Variants in CPNE8 observed in about 807,000 individuals in gnomAD.
CPNE8 encodes the protein copine 8, also known as copine-8.
Under a neutral mutation model 81.5 loss-of-function variants are expected in CPNE8, and 45 were observed. That is an observed-to-expected ratio of 0.55 (90% CI 0.44 to 0.71). The LOEUF (loss-of-function observed/expected upper bound fraction) is 0.71, where lower values mean the gene tolerates loss of function less well. Among genes scored for constraint, CPNE8 ranks in the 30% least tolerant of loss-of-function variants. The pLI is 0.00. For missense variants in CPNE8, 594 were observed against 672.1 expected (o/e 0.88, Z 1.28); for synonymous variants, 252 against 226.3 (o/e 1.11, Z -1.02).
At chr12:38,839,070 C>T (rs2137039694) in intron 5 of CPNE8, among the ~76,000 whole-genome samples, 1 of 152,300 alleles carries the variant, frequency 6.6e-6, no homozygotes, top group South Asian at 2.1e-4. Context: ...AACTCTGACA[C>T]AACTGCTAAT....
Position 38,853,151 on chromosome 12 carries a change from G to C in CPNE8, c.187-4489C>G, listed in dbSNP as rs1322940171. Among the ~76,000 whole-genome samples the C allele has an allele frequency of 2.0e-5, 3 of 152,086 alleles. No homozygotes were observed. In the South Asian group the frequency reaches 6.2e-4, roughly 31 times the overall value. On this transcript the variant is annotated intron_variant, in intron 3 of 19. Transcript: ENST00000331366. ...CTGGAATGTATTAGCTATCAACCAA[G>C]TGATTAATCTTTTTGACTTGAAGTA... is the stretch of plus-strand genomic sequence containing the variant.
chr12:38,730,046 C>A (rs1189770359), intron 11 of CPNE8, among the ~76,000 whole-genome samples: 2 of 151,824 alleles, frequency 1.3e-5, no homozygotes, highest in Non-Finnish European at 2.9e-5. Context: ...AAACTTATAT[C>A]CATATTTTTA....
chr12:38,764,616 CAA>C (rs1247038606), intron 8 of CPNE8, among the ~76,000 whole-genome samples: 760 of 44,966 alleles, frequency 0.017, 1 homozygote, highest in African/African-American at 0.066. Context: ...GACTCCGTCT[CAA>C]AAAAAAAAAA....
Position 38,717,690 on chromosome 12 carries a change from A to T in CPNE8, c.914+6082T>A, listed in dbSNP as rs1940440333. ...AGTTTGGGAGGGTGGTGAGGGATTA[A>T]ATACTACATATTGGATACAGTGTAT... On this transcript the variant is annotated intron_variant, in intron 13 of 19. Transcript: ENST00000331366. Among the ~76,000 whole-genome samples the T allele has an allele frequency of 2.0e-5, 3 of 151,654 alleles. No individual in the cohort carries two copies. In the South Asian group the frequency reaches 6.3e-4, roughly 32 times the overall value.
In CPNE8 at chr12:38,869,384, C is replaced by T. The variant is rs541817847; in HGVS notation, c.186+3620G>A. On this transcript the variant is annotated intron_variant, in intron 3 of 19. Transcript: ENST00000331366. ...TTACAAGTGATTCATATTTAATCCT[C>T]ATAACAGCTATATTAGCTAGAATCA... Among the ~76,000 whole-genome samples, 17 of 152,250 alleles carry T rather than the reference C, an allele frequency of 1.1e-4. No homozygotes were observed. The East Asian group carries it at 2.7e-3, about 24-fold the overall frequency.
At chr12:38,889,909 C>G (rs1009943537) in intron 1 of CPNE8, among the ~76,000 whole-genome samples, 1 of 152,134 alleles carries the variant, frequency 6.6e-6, no homozygotes, top group African/African-American at 2.4e-5. Context: ...GACTTAGTCC[C>G]TTGTAGGAAA....
At chr12:38,694,833 A>G (rs899754744) in intron 14 of CPNE8, among the ~76,000 whole-genome samples, 1 of 152,178 alleles carries the variant, frequency 6.6e-6, no homozygotes, top group African/African-American at 2.4e-5. Flanking sequence ...TGAAGAAGAA[A>G]AGCCTCAGGA....
intron 6 of CPNE8, among the ~76,000 whole-genome samples, chr12:38,789,536 T>C (rs1041888995): frequency 1.3e-5 from 2 of 151,682 alleles, no homozygotes; most frequent in African/African-American, 2.4e-5. Context: ...AGGACATTGG[T>C]CTGAGCAAAA....
chr12:38,874,474 G>T lies in CPNE8; in HGVS notation c.136C>A (p.Pro46Thr). The change falls in exon 2 of 20, where the codon CCA becomes ACA. Residue 46 changes from proline to threonine, a missense_variant. Transcript: ENST00000331366. ...AAGGCAAGCAATACATACTTACTTG[G>T]ATCAGATTTAGAAAATGTGTCTCTG... ...LDRDTFSKSD[P>T]ICVLYVQGVG... is the part of the protein sequence containing the mutation. 1 of 1,605,530 alleles carries T rather than the reference G, an allele frequency of 6.2e-7. No homozygotes were observed. Among genetic ancestry groups the T allele is most frequent in the South Asian group, 1.1e-5 (1 of 90,288 alleles).
chr12:38,689,697 A>C (rs898627792), intron 15 of CPNE8, among the ~76,000 whole-genome samples: 4 of 152,258 alleles, frequency 2.6e-5, no homozygotes, highest in Admixed American at 1.3e-4. Context: ...ATGCAAGTGC[A>C]TTTAGGTATT....
chr12:38,881,198 A>C (rs1271623176), intron 1 of CPNE8, among the ~76,000 whole-genome samples: 2 of 138,654 alleles, frequency 1.4e-5, no homozygotes, highest in African/African-American at 5.4e-5. Flanking sequence ...GGACACAGCG[A>C]GATTCCGTCT....
chr12:38,807,841 G>A (rs936726615), intron 6 of CPNE8, among the ~76,000 whole-genome samples: 17 of 151,896 alleles, frequency 1.1e-4, no homozygotes, highest in East Asian at 7.7e-4. Flanking sequence ...GAAAATTTTC[G>A]CAACCTACTC....
intron 3 of CPNE8, among the ~76,000 whole-genome samples, chr12:38,870,362 G>A (rs909743553): frequency 1.2e-4 from 18 of 152,146 alleles, no homozygotes; most frequent in African/African-American, 3.9e-4. Flanking sequence ...CTGCGGCACT[G>A]TTCACAATAG....
chr12:38,902,232 G>GGAAAGAAA (rs71449477), intron 1 of CPNE8, among the ~76,000 whole-genome samples: 1,143 of 89,650 alleles, frequency 0.013, 24 homozygotes, highest in African/African-American at 0.04. Flanking sequence ...AGAGAAAGAA[G>GGAAAGAAA]GAAAGAAAGA....
At position 38,891,468 on chromosome 12, in the gene CPNE8, C is replaced by T. The variant is rs1281518963; in HGVS notation, c.98+13969G>A. ...AAACTAATTTTTTTTTTTTTTGAGA[C>T]GGAGTTTTCACTTTTGTTGCCCAGG... On this transcript the variant is annotated intron_variant, in intron 1 of 19. Transcript: ENST00000331366. Among the ~76,000 whole-genome samples, 9 of 147,858 alleles carry T rather than the reference C, an allele frequency of 6.1e-5. No homozygotes were observed. The South Asian group carries it at 1.5e-3, about 24-fold the overall frequency.
chr12:38,777,474 T>C (rs1026908319), intron 6 of CPNE8, among the ~76,000 whole-genome samples: 4 of 152,162 alleles, frequency 2.6e-5, no homozygotes, highest in Non-Finnish European at 5.9e-5. Flanking sequence ...AAAAATAGTT[T>C]TAAATAAATT....
At chr12:38,692,237 TGA>T (rs746081854) in intron 15 of CPNE8, among the ~76,000 whole-genome samples, 12 of 151,728 alleles carry the variant, frequency 7.9e-5, no homozygotes, top group Non-Finnish European at 1.5e-4. Flanking sequence ...TGCAGTGAGC[TGA>T]GATCTCACTA....
At chr12:38,884,922 A>G (rs553361659) in intron 1 of CPNE8, among the ~76,000 whole-genome samples, 1 of 152,324 alleles carries the variant, frequency 6.6e-6, no homozygotes, top group African/African-American at 2.4e-5. Flanking sequence ...CACCCAAAGT[A>G]TATAAAACTG....
chr12:38,799,690 C>A (rs1295254165), intron 6 of CPNE8, among the ~76,000 whole-genome samples: 2 of 151,868 alleles, frequency 1.3e-5, no homozygotes, highest in African/African-American at 4.8e-5. Flanking sequence ...CGGTCTACAG[C>A]TCCCAGCGTG....
Sources: allele counts gnomAD v4.1 joint callset (sites outside exome capture counted in the v4.1 genomes callset), GRCh38; gene constraint gnomAD v4.1.1; transcripts MANE v1.5; gene names NCBI Gene and HGNC (gene_info 2026-07-23, HGNC 2026-07-21).